RUNX1: variants seen among roughly 807,000 people sequenced by gnomAD.
RUNX1 encodes the protein RUNX family transcription factor 1, also known as runt-related transcription factor 1.
A neutral mutation model predicts 42.8 loss-of-function variants in RUNX1; 19 were observed. That is an observed-to-expected ratio of 0.44 (90% CI 0.31 to 0.65). The LOEUF is 0.65. Among genes scored for constraint, RUNX1 ranks in the 30% least tolerant of loss-of-function variants. The probability of loss-of-function intolerance (pLI) is 0.07; values close to 1 mark genes in which losing one functional copy is unlikely to be tolerated. For missense variants in RUNX1, 528 were observed against 672.0 expected (o/e 0.79, Z 2.37); for synonymous variants, 271 against 289.4 (o/e 0.94, Z 0.64).
chr21:34,976,344 T>C (rs1179022694), intron 2 of RUNX1, among the ~76,000 whole-genome samples: 1 of 152,190 alleles, frequency 6.6e-6, no homozygotes, highest in African/African-American at 2.4e-5. Flanking sequence ...ATGATCACTA[T>C]CCTTCCAGGA....
At chr21:34,905,098 A>G (rs546360593) in intron 2 of RUNX1, among the ~76,000 whole-genome samples, 1 of 152,348 alleles carries the variant, frequency 6.6e-6, no homozygotes, top group Non-Finnish European at 1.5e-5. Flanking sequence ...TGATAGACAC[A>G]TAGTGCCCAG....
At chr21:34,908,098 T>C (rs1288516996) in intron 2 of RUNX1, among the ~76,000 whole-genome samples, 4 of 152,118 alleles carry the variant, frequency 2.6e-5, no homozygotes, top group Non-Finnish European at 5.9e-5. Flanking sequence ...TTACAGAAAA[T>C]TTACAACTCA....
chr21:34,880,591 A>G lies in RUNX1; in HGVS notation c.474T>C (p.Phe158=). ...TTCGACCGACAAACCTGAGGTCATT[A>G]AATCTTGCAACCTGGTTCTTCATGG... ...TAAMKNQVAR[F]NDLRFVGRSG... is the part of the protein sequence containing the mutation. The change falls in exon 5 of 9, where the codon TTT becomes TTC. Residue 158 remains phenylalanine (F), a synonymous_variant. Coordinates refer to ENST00000675419, the MANE Select transcript of RUNX1 (RefSeq NM_001754.5). The G allele has an allele frequency of 6.2e-7, 1 of 1,614,108 alleles. No homozygotes were observed. Among genetic ancestry groups the G allele is most frequent in the Admixed American group, 1.7e-5 (1 of 60,016 alleles).
chr21:34,871,104 A>G (rs2057730900), intron 5 of RUNX1, among the ~76,000 whole-genome samples: 1 of 152,186 alleles, frequency 6.6e-6, no homozygotes, highest in Non-Finnish European at 1.5e-5. Flanking sequence ...AATTCCTGTG[A>G]GCCCACTTCC....
intron 2 of RUNX1, among the ~76,000 whole-genome samples, chr21:35,036,108 G>A (rs1298144290): frequency 6.6e-6 from 1 of 152,156 alleles, no homozygotes; most frequent in Non-Finnish European, 1.5e-5. Context: ...GGGCCACCGA[G>A]CCCTGGCGTG....
At chr21:34,826,926 A>G (rs2056996437) in intron 7 of RUNX1, among the ~76,000 whole-genome samples, 1 of 152,202 alleles carries the variant, frequency 6.6e-6, no homozygotes, top group Non-Finnish European at 1.5e-5. Context: ...AGGCTAGAAA[A>G]AAGCCTGCAT....
rs149480528 is a variant in RUNX1 at position 34,887,839 on chromosome 21, T to G, written c.98-743A>C. On this transcript the variant is annotated intron_variant, in intron 3 of 8. Coordinates refer to ENST00000675419, the MANE Select transcript of RUNX1 (RefSeq NM_001754.5). ...AAATCAGCTTCAGTAGTTGGAGCAGTGCTGAGCTAGAAGTACTTGTCATGT... is the reference window on the plus strand; with the variant it reads ...AAATCAGCTTCAGTAGTTGGAGCAGGGCTGAGCTAGAAGTACTTGTCATGT... 53 of 1,064,924 alleles carry G rather than the reference T, an allele frequency of 5.0e-5. No individual in the cohort carries two copies. In the African/African-American group the frequency reaches 8.2e-4, roughly 16 times the overall value. 66.0% of individuals were successfully genotyped at this position (1,064,924 alleles called of 1,614,324 possible).
rs115762084 is a variant in RUNX1 at position 34,909,215 on chromosome 21, G to T, written c.59-16252C>A. 2.4e-3 allele frequency among the ~76,000 whole-genome samples: 363 copies of T among 152,198 alleles called. 2 individuals are homozygous for T. The highest frequency in any genetic ancestry group is 8.4e-3 in the African/African-American group (349 of 41,520). On this transcript the variant is annotated intron_variant, in intron 2 of 8. Transcript: ENST00000675419. ...GTTCACTCCCGTGTGCAGTCCCCATGCTCCTGACAGTACACCCGACCCTAA... is the reference window on the plus strand; with the variant it reads ...GTTCACTCCCGTGTGCAGTCCCCATTCTCCTGACAGTACACCCGACCCTAA...
intron 5 of RUNX1, among the ~76,000 whole-genome samples, chr21:34,871,229 G>A (rs2057732376): frequency 6.6e-6 from 1 of 152,166 alleles, no homozygotes. Context: ...TCTCTCTAGA[G>A]CACACCTACA....
chr21:34,934,333 G>C (rs1262153834), intron 2 of RUNX1, among the ~76,000 whole-genome samples: 1 of 151,862 alleles, frequency 6.6e-6, no homozygotes, highest in Non-Finnish European at 1.5e-5. Context: ...TGAACTCTTG[G>C]AGGACTGAGG....
chr21:34,980,625 G>A (rs1049204972), intron 2 of RUNX1, among the ~76,000 whole-genome samples: 2 of 152,152 alleles, frequency 1.3e-5, no homozygotes, highest in African/African-American at 2.4e-5. Context: ...CTGCTATCCC[G>A]AGGGAAACAG....
intron 2 of RUNX1, among the ~76,000 whole-genome samples, chr21:34,992,696 A>G (rs906360775): frequency 5.9e-5 from 9 of 152,194 alleles, no homozygotes; most frequent in East Asian, 1.9e-4. Context: ...AAAGAAAAAA[A>G]AAAACAACCC....
At chr21:34,934,533 T>C (rs2146608125) in intron 2 of RUNX1, among the ~76,000 whole-genome samples, 1 of 152,306 alleles carries the variant, frequency 6.6e-6, no homozygotes, top group Admixed American at 6.5e-5. Context: ...GCTCGCTGTG[T>C]CTTGGCAGGT....
At position 34,828,350 on chromosome 21, in the gene RUNX1, A is replaced by G. The variant is rs1040844777; in HGVS notation, c.805+6060T>C. 3.3e-5 allele frequency among the ~76,000 whole-genome samples: 5 copies of G among 152,142 alleles called. No individual in the cohort carries two copies. In the East Asian group the frequency reaches 5.8e-4, roughly 18 times the overall value. On this transcript the variant is annotated intron_variant, in intron 7 of 8. Transcript: ENST00000675419. ...TCTACCTTGTGTCTGTCCCACCATT[A>G]TATTTTGGAAGTATTATAGTAGACT...
chr21:35,031,980 T>C (rs2059276482), intron 2 of RUNX1, among the ~76,000 whole-genome samples: 1 of 152,218 alleles, frequency 6.6e-6, no homozygotes, highest in Non-Finnish European at 1.5e-5. Context: ...CTGTCTTAGA[T>C]GTGGATGTGG....
intron 2 of RUNX1, among the ~76,000 whole-genome samples, chr21:35,034,571 T>C (rs1756170442): frequency 6.6e-6 from 1 of 152,222 alleles, no homozygotes; most frequent in Non-Finnish European, 1.5e-5. Context: ...AGGGGTCATC[T>C]GGCAATGTCT....
At chr21:34,968,833 C>T (rs958325850) in intron 2 of RUNX1, among the ~76,000 whole-genome samples, 1 of 152,152 alleles carries the variant, frequency 6.6e-6, no homozygotes. Flanking sequence ...GTTGTCATTT[C>T]TGAACTTTTC....
intron 4 of RUNX1, among the ~76,000 whole-genome samples, chr21:34,885,420 G>GA (rs1305569194): frequency 6.6e-6 from 1 of 152,108 alleles, no homozygotes; most frequent in South Asian, 2.1e-4. Flanking sequence ...CGGAGGGAGG[G>GA]AAAAAAGAGT....
In RUNX1 at chr21:34,951,730, G is replaced by A. The variant is rs541028387; in HGVS notation, c.59-58767C>T. ...ATCATTAAAAAGTCAGGAAACAACA[G>A]ATGCTGGAGAGGATGTGGAGAAATA... On this transcript the variant is annotated intron_variant, in intron 2 of 8. Transcript: ENST00000675419. 2.0e-5 allele frequency among the ~76,000 whole-genome samples: 3 copies of A among 152,310 alleles called. No individual in the cohort carries two copies. The South Asian group carries it at 6.2e-4, about 32-fold the overall frequency.
Sources: gnomAD v4.1 joint callset for allele counts (sites outside exome capture counted in the v4.1 genomes callset) on GRCh38, gnomAD v4.1.1 for gene constraint, MANE v1.5 for transcripts, NCBI Gene and HGNC (gene_info 2026-07-23, HGNC 2026-07-21) for gene names.